HOOK1: variants seen among roughly 807,000 people sequenced by gnomAD.
HOOK1 encodes the protein hook microtubule tethering protein 1.
Under a neutral mutation model 112.8 loss-of-function variants are expected in HOOK1, and 60 were observed. The ratio of observed to expected loss-of-function variants is 0.53; its 90% CI spans 0.43 to 0.66. The LOEUF (loss-of-function observed/expected upper bound fraction) is 0.66, where lower values mean the gene tolerates loss of function less well. Among genes scored for constraint, HOOK1 ranks in the 30% least tolerant of loss-of-function variants. The pLI, the probability that HOOK1 is intolerant of heterozygous loss-of-function variation, is 0.00. For synonymous variants in HOOK1, 294 were observed against 283.8 expected, an observed-to-expected ratio of 1.04 and a Z score of -0.36; for missense variants, 770 against 856.0, an observed-to-expected ratio of 0.90 and a Z score of 1.25.
intron 1 of HOOK1, among the ~76,000 whole-genome samples, chr1:59,817,392 C>T (rs1196953204): frequency 6.6e-6 from 1 of 152,092 alleles, no homozygotes; most frequent in East Asian, 1.9e-4. Context: ...CTTGATGGTT[C>T]CTTTGTGAAA....
chr1:59,838,521 C>G (rs1280488452), intron 7 of HOOK1, among the ~76,000 whole-genome samples: 1 of 152,090 alleles, frequency 6.6e-6, no homozygotes, highest in Non-Finnish European at 1.5e-5. Context: ...TTTTGAGACA[C>G]TTTGCCCATT....
intron 5 of HOOK1, among the ~76,000 whole-genome samples, 154 bp downstream of exon 5, chr1:59,833,691 A>C (rs532538600): frequency 6.6e-6 from 1 of 152,304 alleles, no homozygotes; most frequent in Non-Finnish European, 1.5e-5. Flanking sequence ...TCTGTCGTTG[A>C]AAAGTGGCAT....
chr1:59,857,464 A>T (rs934884921), intron 12 of HOOK1, among the ~76,000 whole-genome samples: 5 of 152,210 alleles, frequency 3.3e-5, no homozygotes, highest in Non-Finnish European at 7.3e-5. Context: ...TTATTCCCAG[A>T]ATTCTGAAAT....
At chr1:59,843,131 C>T (rs1359845025) in intron 8 of HOOK1, among the ~76,000 whole-genome samples, 1 of 151,734 alleles carries the variant, frequency 6.6e-6, no homozygotes, top group African/African-American at 2.4e-5. Context: ...TTCATTTGTG[C>T]ATCAAATTTT....
intron 12 of HOOK1, among the ~76,000 whole-genome samples, chr1:59,851,631 G>T (rs887365492): frequency 9.9e-5 from 15 of 151,518 alleles, no homozygotes; most frequent in African/African-American, 3.1e-4. Context: ...TTCTTTATTT[G>T]CAATTCTGAT....
At chr1:59,865,304 T>A in intron 18 of HOOK1, 59 bp downstream of exon 18, 2 of 999,654 alleles carry the variant, frequency 2.0e-6, no homozygotes, top group Non-Finnish European at 3.2e-6. Context: ...TACCCTTTTT[T>A]ATTGAAGGAT....
chr1:59,864,622 A>G lies in HOOK1; in HGVS notation c.1627-10A>G. On this transcript the variant is annotated splice_polypyrimidine_tract_variant and intron_variant, in intron 16 of 21. Transcript: ENST00000371208. ...AGTCATCTTACAGCAATTTTTTTTA[A>G]ATTTTATAGTCCAGCAAATTAAAGC... The G allele has an allele frequency of 6.6e-7, 1 of 1,523,516 alleles. No homozygotes were observed. 94.4% of individuals were successfully genotyped at this position (1,523,516 alleles called of 1,614,324 possible). A position where few individuals can be genotyped will look rare whatever the true frequency, so the allele number is the denominator to read the frequency against.
chr1:59,833,216 G>A (rs2098395273), intron 4 of HOOK1, among the ~76,000 whole-genome samples, 189 bp from the exon 5 acceptor site: 1 of 152,114 alleles, frequency 6.6e-6, no homozygotes. Context: ...AGTGCTTTTG[G>A]TTGGTTACTC....
intron 7 of HOOK1, among the ~76,000 whole-genome samples, chr1:59,837,547 GT>G (rs1364206452): frequency 1.1e-4 from 17 of 152,070 alleles, no homozygotes; most frequent in East Asian, 1.9e-4. Flanking sequence ...AACATGCTGT[GT>G]TTTTTCCTAA....
At chr1:59,832,002 T>C (rs1042208891) in intron 3 of HOOK1, among the ~76,000 whole-genome samples, 161 bp from the exon 4 acceptor site, 1 of 152,194 alleles carries the variant, frequency 6.6e-6, no homozygotes, top group African/African-American at 2.4e-5. Context: ...ATTAAATCTC[T>C]GATGGTTAAA....
At chr1:59,827,974 A>G (rs2098391172) in intron 2 of HOOK1, among the ~76,000 whole-genome samples, 1 of 152,196 alleles carries the variant, frequency 6.6e-6, no homozygotes, top group Non-Finnish European at 1.5e-5. Flanking sequence ...CATTTATCAC[A>G]TTCTCCTTCG....
chr1:59,824,636 G>GT (rs1172477569), intron 2 of HOOK1, among the ~76,000 whole-genome samples: 1 of 152,096 alleles, frequency 6.6e-6, no homozygotes, highest in Non-Finnish European at 1.5e-5. Context: ...TTAACCAATA[G>GT]TTTTTTTCTA....
chr1:59,865,333 T>G (rs906120291), intron 18 of HOOK1, 88 bp downstream of exon 18: 2 of 746,272 alleles, frequency 2.7e-6, no homozygotes, highest in Admixed American at 4.4e-5. Flanking sequence ...TATGTGTAAG[T>G]TTTTGCACAA....
At chr1:59,846,421 A>G (rs938787394) in intron 9 of HOOK1, among the ~76,000 whole-genome samples, 3 of 151,460 alleles carry the variant, frequency 2.0e-5, no homozygotes, top group Non-Finnish European at 3.0e-5. Flanking sequence ...CTTTATACTT[A>G]ACTTTGGATT....
intron 10 of HOOK1, among the ~76,000 whole-genome samples, 153 bp downstream of exon 10, chr1:59,847,338 A>G (rs968798509): frequency 6.6e-6 from 1 of 151,586 alleles, no homozygotes; most frequent in Non-Finnish European, 1.5e-5. Context: ...AACTTCTTTT[A>G]TGTTTGTTGT....
chr1:59,840,734 T>C (rs2098400613), intron 8 of HOOK1, among the ~76,000 whole-genome samples: 1 of 152,140 alleles, frequency 6.6e-6, no homozygotes, highest in Non-Finnish European at 1.5e-5. Context: ...AGGTAATTTA[T>C]GGAAGTATTA....
intron 15 of HOOK1, 78 bp from the exon 16 acceptor site, chr1:59,862,706 A>G: frequency 1.3e-6 from 1 of 779,490 alleles, no homozygotes; most frequent in Non-Finnish European, 2.2e-6. Context: ...TTAAATTGCT[A>G]ACTGAATGTA....
chr1:59,864,993 T>C (rs1272685428), intron 17 of HOOK1, 170 bp from the exon 18 acceptor site: 2 of 581,966 alleles, frequency 3.4e-6, no homozygotes, highest in African/African-American at 1.9e-5. Flanking sequence ...TTTAACCTTT[T>C]TGGCACCTGC....
intron 20 of HOOK1, among the ~76,000 whole-genome samples, chr1:59,869,151 T>C (rs2025500): frequency 5.9e-5 from 9 of 152,100 alleles, no homozygotes; most frequent in Admixed American, 4.6e-4. Context: ...TATTGAATTC[T>C]ACATACTGGC....
Sources: gnomAD v4.1 joint callset for allele counts (sites outside exome capture counted in the v4.1 genomes callset) on GRCh38, gnomAD v4.1.1 for gene constraint, MANE v1.5 for transcripts, NCBI Gene and HGNC (gene_info 2026-07-23, HGNC 2026-07-21) for gene names.